AKR1C8: variants seen among roughly 807,000 people sequenced by gnomAD.
The protein encoded by AKR1C8 is aldo-keto reductase family 1 member C8, also known as aldo-keto reductase family 1 member C-like protein 1.
the AKR1C8 span, among the ~76,000 whole-genome samples, chr10:5,142,482 A>G: frequency 6.6e-6 from 1 of 152,160 alleles, no homozygotes; most frequent in African/African-American, 2.4e-5. Flanking sequence ...CAATAAGCTT[A>G]ATCATGTGTA....
chr10:5,136,045 G>A, the AKR1C8 span, among the ~76,000 whole-genome samples: 2 of 152,100 alleles, frequency 1.3e-5, no homozygotes, highest in Non-Finnish European at 2.9e-5. Flanking sequence ...TTGTAATATG[G>A]AAACAGTGCC....
the AKR1C8 span, among the ~76,000 whole-genome samples, chr10:5,161,456 C>CG: frequency 3.3e-5 from 5 of 152,302 alleles, no homozygotes; most frequent in African/African-American, 1.2e-4. Context: ...AGGGTACATA[C>CG]GGGAGACCCT....
chr10:5,138,969 T>C, the AKR1C8 span, among the ~76,000 whole-genome samples: 2 of 152,130 alleles, frequency 1.3e-5, no homozygotes, highest in Non-Finnish European at 2.9e-5. Context: ...AGTCTCAGGA[T>C]ACAAAATCAA....
chr10:5,178,720 T>C, the AKR1C8 span, among the ~76,000 whole-genome samples: 1 of 152,196 alleles, frequency 6.6e-6, no homozygotes, highest in African/African-American at 2.4e-5. Context: ...AATTGATCCC[T>C]TTACCATTAT....
the AKR1C8 span, among the ~76,000 whole-genome samples, chr10:5,163,852 A>G: frequency 6.7e-6 from 1 of 149,924 alleles, no homozygotes. Flanking sequence ...CTTTGTCCCA[A>G]CATAAAAACG....
chr10:5,148,004 C>G, the AKR1C8 span, among the ~76,000 whole-genome samples: 1 of 152,166 alleles, frequency 6.6e-6, no homozygotes, highest in African/African-American at 2.4e-5. Flanking sequence ...ACTCTTGTGC[C>G]ACAGAGATAT....
chr10:5,184,770 TA>T, the AKR1C8 span, among the ~76,000 whole-genome samples: 4 of 152,170 alleles, frequency 2.6e-5, no homozygotes, highest in Non-Finnish European at 5.9e-5. Flanking sequence ...TTAATAGAAA[TA>T]AAGATAATAT....
chr10:5,153,522 T>C, the AKR1C8 span, among the ~76,000 whole-genome samples: 1 of 152,188 alleles, frequency 6.6e-6, no homozygotes, highest in Non-Finnish European at 1.5e-5. Context: ...TAAGACTGGG[T>C]AACTTTTATA....
chr10:5,146,268 G>A, the AKR1C8 span, among the ~76,000 whole-genome samples: 2 of 151,898 alleles, frequency 1.3e-5, no homozygotes, highest in Admixed American at 1.3e-4. Context: ...GTTAGTGGGT[G>A]CAGCACCAGC....
chr10:5,145,731 C>T, the AKR1C8 span, among the ~76,000 whole-genome samples: 10 of 152,134 alleles, frequency 6.6e-5, no homozygotes, highest in Non-Finnish European at 1.3e-4. Flanking sequence ...GAAATAGGAA[C>T]ACTTTTACAC....
chr10:5,118,722 T>A, the AKR1C8 span, among the ~76,000 whole-genome samples: 5 of 152,298 alleles, frequency 3.3e-5, no homozygotes, highest in African/African-American at 1.2e-4. Context: ...AATAGAGTTG[T>A]ATGTTGGTTC....
the AKR1C8 span, among the ~76,000 whole-genome samples, chr10:5,156,525 G>GATCT: frequency 0.044 from 6,143 of 141,008 alleles, 326 homozygotes; most frequent in African/African-American, 0.13. Flanking sequence ...GAAAGACTCA[G>GATCT]ATCTATCTAT....
At chr10:5,123,459 T>A in the AKR1C8 span, 1 of 453,000 alleles carries the variant, frequency 2.2e-6, no homozygotes, top group East Asian at 3.6e-5. Context: ...AACCCAGAAA[T>A]GCTGAAGCCC....
the AKR1C8 span, among the ~76,000 whole-genome samples, chr10:5,153,623 G>A: frequency 6.6e-4 from 101 of 152,228 alleles, no homozygotes; most frequent in Non-Finnish European, 1.2e-3. Flanking sequence ...GAAGGCAAGG[G>A]GGAGCAGACG....
At chr10:5,150,738 T>A in the AKR1C8 span, among the ~76,000 whole-genome samples, 1 of 151,834 alleles carries the variant, frequency 6.6e-6, no homozygotes, top group Non-Finnish European at 1.5e-5. Context: ...CACATAATAA[T>A]GCAAAGATTA....
chr10:5,138,890 G>A, the AKR1C8 span, among the ~76,000 whole-genome samples: 2 of 152,250 alleles, frequency 1.3e-5, no homozygotes, highest in East Asian at 1.9e-4. Context: ...CAGATGACAT[G>A]ATTATATATC....
At chr10:5,148,616 A>G in the AKR1C8 span, among the ~76,000 whole-genome samples, 3 of 152,198 alleles carry the variant, frequency 2.0e-5, no homozygotes, top group African/African-American at 2.4e-5. Flanking sequence ...GTGCTCACTG[A>G]ATCTACTATC....
At chr10:5,159,558 A>G in the AKR1C8 span, among the ~76,000 whole-genome samples, 1 of 152,022 alleles carries the variant, frequency 6.6e-6, no homozygotes, top group Admixed American at 6.6e-5. Context: ...GAACAAATCC[A>G]TGTCTGTGAG....
chr10:5,160,547 C>A, the AKR1C8 span, among the ~76,000 whole-genome samples: 1 of 152,170 alleles, frequency 6.6e-6, no homozygotes, highest in Non-Finnish European at 1.5e-5. Flanking sequence ...ATGCTGACCC[C>A]TTATAGGGCT....
Sources: allele counts gnomAD v4.1 joint callset (sites outside exome capture counted in the v4.1 genomes callset), GRCh38; gene constraint gnomAD v4.1.1; transcripts MANE v1.5; gene names NCBI Gene and HGNC (gene_info 2026-07-23, HGNC 2026-07-21).